HNRNPL: variants seen among roughly 807,000 people sequenced by gnomAD.
The protein encoded by HNRNPL is heterogeneous nuclear ribonucleoprotein L.
HNRNPL carries 12 observed loss-of-function variants against 64.0 expected under a neutral mutation model. The ratio of observed to expected loss-of-function variants is 0.19; its 90% CI spans 0.12 to 0.30. HNRNPL has a LOEUF of 0.30. Among genes scored for constraint, HNRNPL ranks in the 10% least tolerant of loss-of-function variants. The pLI is 1.00. For missense variants in HNRNPL, 484 were observed against 797.4 expected (o/e 0.61, Z 4.73); for synonymous variants, 385 against 313.0 (o/e 1.23, Z -2.43).
chr19:38,846,927 A>T (rs1047947079), intron 2 of HNRNPL, among the ~76,000 whole-genome samples: 3 of 151,608 alleles, frequency 2.0e-5, no homozygotes, highest in African/African-American at 7.3e-5. Flanking sequence ...ACAAACAAAA[A>T]ATATATATAT....
intron 2 of HNRNPL, among the ~76,000 whole-genome samples, chr19:38,846,802 G>A (rs12977821): frequency 0.44 from 66,280 of 152,002 alleles, 16,269 homozygotes; most frequent in Non-Finnish European, 0.56. Flanking sequence ...CAGCTACTCG[G>A]GAGGCTGAGG....
At chr19:38,841,126 A>G (rs1972103291) in intron 6 of HNRNPL, 1 of 209,552 alleles carries the variant, frequency 4.8e-6, no homozygotes, top group Non-Finnish European at 9.7e-6. Context: ...AAGCAGGGCA[A>G]CAGCAGAATC....
upstream of HNRNPL, among the ~76,000 whole-genome samples, chr19:38,851,696 C>A (rs1427125322): frequency 6.6e-6 from 1 of 152,146 alleles, no homozygotes; most frequent in African/African-American, 2.4e-5. Context: ...CCCCGGATTT[C>A]GAGGTTGCAG....
At chr19:38,845,564 G>T in intron 4 of HNRNPL, 86 bp downstream of exon 4, 1 of 1,095,140 alleles carries the variant, frequency 9.1e-7, no homozygotes, top group Non-Finnish European at 1.4e-6. Context: ...GTGGTCAGCA[G>T]ACACATGCTG....
intron 8 of HNRNPL, 166 bp from the exon 9 acceptor site, chr19:38,839,181 T>C: frequency 4.0e-6 from 3 of 756,044 alleles, no homozygotes; most frequent in South Asian, 1.8e-5. Context: ...GCTCAACCCA[T>C]AGTGAGAAGC....
chr19:38,844,242 C>G (rs1224468165), intron 4 of HNRNPL, 138 bp from the exon 5 acceptor site: 1 of 636,142 alleles, frequency 1.6e-6, no homozygotes, highest in Non-Finnish European at 2.8e-6. Context: ...CACTGCCCAG[C>G]CACTAGCCTC....
At chr19:38,838,807 G>A (rs1426902497) in intron 9 of HNRNPL, 87 bp downstream of exon 9, 9 of 1,546,806 alleles carry the variant, frequency 5.8e-6, no homozygotes, top group Middle Eastern at 2.1e-4. Context: ...TCAACACCTC[G>A]GCCTCACTGT....
chr19:38,837,704 C>G (rs888180801), intron 10 of HNRNPL, 53 bp from the exon 11 acceptor site: 3 of 1,532,618 alleles, frequency 2.0e-6, no homozygotes, highest in African/African-American at 2.7e-5. Flanking sequence ...GGCCGCCACA[C>G]AGGATTCAAG....
intron 6 of HNRNPL, 113 bp downstream of exon 6, chr19:38,843,729 T>A: frequency 1.1e-6 from 1 of 870,696 alleles, no homozygotes; most frequent in Non-Finnish European, 1.9e-6. Context: ...GGCCCTCCCA[T>A]GTCCATGGGG....
intron 4 of HNRNPL, 49 bp downstream of exon 4, chr19:38,845,601 C>T: frequency 6.8e-7 from 1 of 1,472,740 alleles, no homozygotes; most frequent in Non-Finnish European, 9.5e-7. Context: ...CTGTCAAGCC[C>T]TGCAAGAGTC....
chr19:38,841,707 T>C, intron 6 of HNRNPL: 1 of 1,130,014 alleles, frequency 8.8e-7, no homozygotes, highest in Non-Finnish European at 1.2e-6. Flanking sequence ...TTTACAGTCA[T>C]AAATACAAGT....
intron 3 of HNRNPL, 38 bp downstream of exon 3, chr19:38,845,811 AAAGG>A (rs748543813): frequency 1.9e-4 from 298 of 1,599,606 alleles, no homozygotes; most frequent in Non-Finnish European, 2.5e-4. Context: ...TAAGGGGAGA[AAAGG>A]AAGGGAGACC....
chr19:38,843,076 G>A (rs1168925237), intron 6 of HNRNPL, among the ~76,000 whole-genome samples: 2 of 152,090 alleles, frequency 1.3e-5, no homozygotes, highest in African/African-American at 2.4e-5. Flanking sequence ...AGGAATGGGG[G>A]GCTCTGGCCT....
intron 1 of HNRNPL, 111 bp downstream of exon 1, chr19:38,849,589 C>A: frequency 7.9e-7 from 1 of 1,257,928 alleles, no homozygotes; most frequent in Non-Finnish European, 1.0e-6. Context: ...GTCAACGACG[C>A]GATGGCCTGG....
At chr19:38,837,786 C>T (rs1243614331) in intron 10 of HNRNPL, 135 bp from the exon 11 acceptor site, 4 of 693,510 alleles carry the variant, frequency 5.8e-6, no homozygotes, top group Non-Finnish European at 9.9e-6. Context: ...ATCACATACC[C>T]TAAGGCATCC....
At chr19:38,838,798 CA>C (rs1972014488) in intron 9 of HNRNPL, 95 bp downstream of exon 9, 1 of 1,529,544 alleles carries the variant, frequency 6.5e-7, no homozygotes, top group Non-Finnish European at 9.0e-7. Context: ...CTGTGTGAGT[CA>C]ACACCTCGGC....
chr19:38,838,007 T>C (rs1358666475), intron 10 of HNRNPL, among the ~76,000 whole-genome samples: 1 of 150,786 alleles, frequency 6.6e-6, no homozygotes, highest in Admixed American at 6.6e-5. Context: ...CAGTTCCCCC[T>C]GACTGAGCTT....
chr19:38,848,154 G>T (rs1972364568), intron 1 of HNRNPL, among the ~76,000 whole-genome samples: 1 of 152,194 alleles, frequency 6.6e-6, no homozygotes, highest in Non-Finnish European at 1.5e-5. Context: ...GCTATGGCGT[G>T]ATCTTAGTCC....
chr19:38,847,287 G>T, intron 2 of HNRNPL, 29 bp downstream of exon 2: 1 of 1,213,180 alleles, frequency 8.2e-7, no homozygotes, highest in Non-Finnish European at 1.1e-6. Context: ...AACTTTGGAA[G>T]CCCAACACCT....
Sources: allele counts gnomAD v4.1 joint callset (sites outside exome capture counted in the v4.1 genomes callset), GRCh38; gene constraint gnomAD v4.1.1; transcripts MANE v1.5; gene names NCBI Gene and HGNC (gene_info 2026-07-23, HGNC 2026-07-21).